HS3ST4: variants seen among roughly 807,000 people sequenced by gnomAD.
HS3ST4 encodes the protein heparan sulfate-glucosamine 3-sulfotransferase 4, also known as heparan sulfate glucosamine 3-O-sulfotransferase 4.
Under a neutral mutation model 29.2 loss-of-function variants are expected in HS3ST4, and 17 were observed. That is an observed-to-expected ratio of 0.58 (90% CI 0.40 to 0.87). The LOEUF (loss-of-function observed/expected upper bound fraction) is 0.87. Ranked by LOEUF, HS3ST4 falls within the 40% of genes least tolerant of loss-of-function variation. The probability of loss-of-function intolerance (pLI) is 0.00; values close to 1 mark genes in which losing one functional copy is unlikely to be tolerated. For missense variants in HS3ST4, 627 were observed against 634.5 expected, an observed-to-expected ratio of 0.99 and a Z score of 0.13; for synonymous variants, 314 against 285.7, an observed-to-expected ratio of 1.10 and a Z score of -1.00.
chr16:25,789,085 G>A lies in HS3ST4; in HGVS notation c.734+95934G>A, dbSNP rs148791628. ...GATTGATCAGGCCTGGGTCATGTGG[G>A]GCTGGAAGTCAATTTTACCTCAGCT... On this transcript the variant is annotated intron_variant, in intron 1 of 1. Transcript: ENST00000331351. Among the ~76,000 whole-genome samples, 268 of 152,206 alleles carry A rather than the reference G, an allele frequency of 1.8e-3. 1 individual carries two copies. The highest frequency in any genetic ancestry group is 6.8e-3 in the Middle Eastern group (2 of 294).
At chr16:25,711,042 C>T (rs1338231372) in intron 1 of HS3ST4, among the ~76,000 whole-genome samples, 5 of 151,668 alleles carry the variant, frequency 3.3e-5, no homozygotes, top group Admixed American at 1.3e-4. Context: ...AGGCTGGTCT[C>T]GAACTCCTGG....
chr16:25,782,967 G>A (rs1451819534), intron 1 of HS3ST4, among the ~76,000 whole-genome samples: 17 of 152,150 alleles, frequency 1.1e-4, no homozygotes, highest in Admixed American at 1.0e-3. Context: ...CTTGTCAAAG[G>A]CTTTCATTGT....
At chr16:25,921,882 G>A (rs532114977) in intron 1 of HS3ST4, among the ~76,000 whole-genome samples, 2 of 151,702 alleles carry the variant, frequency 1.3e-5, no homozygotes, top group South Asian at 4.2e-4. Flanking sequence ...AGCCTTCCAA[G>A]TAGCTGGGAC....
At chr16:25,854,635 G>A (rs1967557029) in intron 1 of HS3ST4, among the ~76,000 whole-genome samples, 2 of 151,880 alleles carry the variant, frequency 1.3e-5, no homozygotes, top group Admixed American at 1.3e-4. Flanking sequence ...TGGTTCAAAC[G>A]CCTCTGACAT....
At chr16:26,088,412 C>T (rs930901095) in intron 1 of HS3ST4, among the ~76,000 whole-genome samples, 1 of 152,032 alleles carries the variant, frequency 6.6e-6, no homozygotes, top group African/African-American at 2.4e-5. Flanking sequence ...GGTTGTTTGG[C>T]TGCTGTGGTT....
chr16:26,120,136 A>G (rs1435222082), intron 1 of HS3ST4, among the ~76,000 whole-genome samples: 1 of 151,878 alleles, frequency 6.6e-6, no homozygotes, highest in East Asian at 1.9e-4. Flanking sequence ...GCATGCATGA[A>G]TGCCTGATAA....
At chr16:26,038,651 T>A (rs561396119) in intron 1 of HS3ST4, among the ~76,000 whole-genome samples, 38 of 150,320 alleles carry the variant, frequency 2.5e-4, no homozygotes, top group East Asian at 9.9e-4. Flanking sequence ...ATTTTTTTTT[T>A]AATTATGTAT....
intron 1 of HS3ST4, among the ~76,000 whole-genome samples, chr16:25,997,289 G>A (rs1969166393): frequency 6.6e-6 from 1 of 152,108 alleles, no homozygotes. Flanking sequence ...TGATGTTTAA[G>A]AGTTTAAAGA....
At chr16:25,931,966 T>C (rs993602632) in intron 1 of HS3ST4, among the ~76,000 whole-genome samples, 15 of 152,246 alleles carry the variant, frequency 9.9e-5, no homozygotes, top group Middle Eastern at 3.4e-3. Context: ...TCCTAAAGGC[T>C]GAATTTCCCT....
intron 1 of HS3ST4, among the ~76,000 whole-genome samples, chr16:25,716,907 A>G (rs1966458124): frequency 6.6e-6 from 1 of 152,160 alleles, no homozygotes; most frequent in South Asian, 2.1e-4. Context: ...TACAAAAATT[A>G]GCCGGGCATG....
intron 1 of HS3ST4, among the ~76,000 whole-genome samples, chr16:25,716,978 T>G (rs1966458600): frequency 6.6e-6 from 1 of 151,808 alleles, no homozygotes; most frequent in Non-Finnish European, 1.5e-5. Context: ...CACTTGAACC[T>G]GGGAGGTGGA....
chr16:25,700,441 C>T (rs1331714723), intron 1 of HS3ST4, among the ~76,000 whole-genome samples: 1 of 152,184 alleles, frequency 6.6e-6, no homozygotes, highest in Non-Finnish European at 1.5e-5. Context: ...CCCTACGAAA[C>T]CCTCTATTTT....
intron 1 of HS3ST4, among the ~76,000 whole-genome samples, chr16:25,935,651 A>AT (rs753725800): frequency 3.5e-4 from 54 of 152,154 alleles, no homozygotes; most frequent in Non-Finnish European, 7.1e-4. Context: ...TTGATCACTC[A>AT]TTCCTTTTTA....
intron 1 of HS3ST4, among the ~76,000 whole-genome samples, chr16:25,846,548 A>C (rs1023408321): frequency 2.2e-4 from 33 of 149,598 alleles, no homozygotes; most frequent in African/African-American, 7.4e-4. Context: ...AAAAAAAAAA[A>C]GTTGTATTTT....
intron 1 of HS3ST4, among the ~76,000 whole-genome samples, chr16:26,051,016 G>T (rs1347967625): frequency 6.6e-6 from 1 of 152,058 alleles, no homozygotes; most frequent in Non-Finnish European, 1.5e-5. Flanking sequence ...TCTCCTTTAG[G>T]GAGCATTGAG....
chr16:25,859,429 C>T (rs750127874), intron 1 of HS3ST4, among the ~76,000 whole-genome samples: 7 of 152,122 alleles, frequency 4.6e-5, no homozygotes, highest in African/African-American at 1.7e-4. Flanking sequence ...AAGTGCAGGG[C>T]CAGAACTTAA....
chr16:25,821,863 C>T (rs532586672), intron 1 of HS3ST4, among the ~76,000 whole-genome samples: 9 of 152,134 alleles, frequency 5.9e-5, no homozygotes, highest in Middle Eastern at 3.4e-3. Flanking sequence ...ACCTGAGGAT[C>T]GTGCCACTAC....
At chr16:26,093,321 G>T (rs1426659082) in intron 1 of HS3ST4, among the ~76,000 whole-genome samples, 1 of 105,564 alleles carries the variant, frequency 9.5e-6, no homozygotes, top group African/African-American at 4.5e-5. Context: ...GCCTAACTGG[G>T]AGACATCTCC....
intron 1 of HS3ST4, among the ~76,000 whole-genome samples, chr16:26,043,514 A>C (rs914768477): frequency 1.3e-5 from 2 of 152,196 alleles, no homozygotes; most frequent in African/African-American, 4.8e-5. Context: ...TGACTGTTAC[A>C]TTATAGGAAT....
Sources: allele counts gnomAD v4.1 joint callset (sites outside exome capture counted in the v4.1 genomes callset), GRCh38; gene constraint gnomAD v4.1.1; transcripts MANE v1.5; gene names NCBI Gene and HGNC (gene_info 2026-07-23, HGNC 2026-07-21).